RREB1: variants seen among roughly 807,000 people sequenced by gnomAD.
RREB1 encodes ras-responsive element-binding protein 1.
A neutral mutation model predicts 117.8 loss-of-function variants in RREB1; 27 were observed. The observed-to-expected ratio is 0.23, with a 90% CI of 0.17 to 0.32. The LOEUF (loss-of-function observed/expected upper bound fraction) is 0.32, where lower values mean the gene tolerates loss of function less well. Ranked by LOEUF, RREB1 falls within the 10% of genes least tolerant of loss-of-function variation. The pLI is 1.00. For synonymous variants in RREB1, 1,298 were observed against 1,026.7 expected (o/e 1.26, Z -5.05); for missense variants, 2,577 against 2,378.2 (o/e 1.08, Z -1.74).
At chr6:7,120,926 T>G (rs959938401) in intron 1 of RREB1, among the ~76,000 whole-genome samples, 7 of 151,382 alleles carry the variant, frequency 4.6e-5, no homozygotes, top group Non-Finnish European at 8.8e-5. Context: ...TTCAAGTGAT[T>G]CTCCCTCCTG....
intron 10 of RREB1, 43 bp downstream of exon 10, chr6:7,231,950 T>C (rs774866977): frequency 6.5e-7 from 1 of 1,530,418 alleles, no homozygotes; most frequent in South Asian, 1.3e-5. Context: ...TCCTACTTCC[T>C]GGTAGGGGGA....
chr6:7,193,976 T>C (rs1320955017), intron 6 of RREB1, among the ~76,000 whole-genome samples: 2 of 152,256 alleles, frequency 1.3e-5, no homozygotes, highest in Non-Finnish European at 2.9e-5. Flanking sequence ...CTTTCACTCT[T>C]TTCCTCATTC....
intron 6 of RREB1, among the ~76,000 whole-genome samples, chr6:7,207,086 G>A (rs184597391): frequency 2.0e-5 from 3 of 152,268 alleles, no homozygotes; most frequent in Admixed American, 1.3e-4. Context: ...AGAGCAAGAG[G>A]AAGAGCAGAG....
chr6:7,231,542 G>A lies in RREB1; in HGVS notation c.3443G>A (p.Gly1148Asp). The change falls in exon 10 of 13, where the codon GGC (glycine) becomes GAC (aspartate). Residue 1148 changes from glycine (G) to aspartate (D), a missense_variant. Physicochemically the swap from Gly to Asp is moderately conservative, Grantham distance 94. Transcript: ENST00000379938. ...AASPTEQGPA[G>D]TSKKRGRKRG... ...TCTCCCACCGAGCAGGGCCCAGCGGGCACGTCGAAGAAGAGGGGCCGGAAA... is the reference window on the plus strand; with the variant it reads ...TCTCCCACCGAGCAGGGCCCAGCGGACACGTCGAAGAAGAGGGGCCGGAAA... 6.2e-7 allele frequency: 1 copy of A among 1,609,104 alleles called. No individual in the cohort carries two copies. Among genetic ancestry groups the A allele is most frequent in the Non-Finnish European group, 8.5e-7 (1 of 1,178,098 alleles).
At chr6:7,139,055 C>T (rs1762455781) in intron 1 of RREB1, among the ~76,000 whole-genome samples, 1 of 152,152 alleles carries the variant, frequency 6.6e-6, no homozygotes. Flanking sequence ...TGAATGAATA[C>T]AATATGTTAA....
At chr6:7,112,322 G>C (rs935453233) in intron 1 of RREB1, among the ~76,000 whole-genome samples, 1 of 152,050 alleles carries the variant, frequency 6.6e-6, no homozygotes, top group Non-Finnish European at 1.5e-5. Flanking sequence ...TGGTTGAATG[G>C]TAAGCCTGTT....
intron 6 of RREB1, among the ~76,000 whole-genome samples, chr6:7,204,367 G>T (rs1236566579): frequency 6.6e-6 from 1 of 150,476 alleles, no homozygotes; most frequent in Non-Finnish European, 1.5e-5. Flanking sequence ...AACTTGATTG[G>T]CATTACAAGC....
At chr6:7,191,380 T>G (rs1241079761) in intron 6 of RREB1, among the ~76,000 whole-genome samples, 1 of 152,216 alleles carries the variant, frequency 6.6e-6, no homozygotes, top group Non-Finnish European at 1.5e-5. Context: ...CTGATGGACA[T>G]GTGGGTTGTT....
intron 1 of RREB1, among the ~76,000 whole-genome samples, chr6:7,114,232 C>T (rs1761278265): frequency 6.6e-6 from 1 of 152,190 alleles, no homozygotes. Flanking sequence ...AGCGATTCTC[C>T]TGCCTCAGTC....
chr6:7,132,229 A>ATT (rs200757591), intron 1 of RREB1, among the ~76,000 whole-genome samples: 1,738 of 151,880 alleles, frequency 0.011, 30 homozygotes, highest in African/African-American at 0.04. Context: ...CAATTTTTGT[A>ATT]TTTTTAGTAG....
At chr6:7,205,144 C>G (rs984758471) in intron 6 of RREB1, among the ~76,000 whole-genome samples, 28 of 152,154 alleles carry the variant, frequency 1.8e-4, no homozygotes, top group African/African-American at 6.5e-4. Flanking sequence ...TCACTGTGAT[C>G]CCATGGTTCT....
intron 1 of RREB1, among the ~76,000 whole-genome samples, chr6:7,163,813 A>G (rs1182308057): frequency 6.6e-6 from 1 of 152,228 alleles, no homozygotes; most frequent in Non-Finnish European, 1.5e-5. Flanking sequence ...ATCTTCAAGG[A>G]CTTTGAAAAA....
intron 8 of RREB1, among the ~76,000 whole-genome samples, chr6:7,221,344 AT>A (rs369038114): frequency 4.0e-5 from 6 of 149,298 alleles, no homozygotes; most frequent in Non-Finnish European, 7.4e-5. Flanking sequence ...AATTTTTTGT[AT>A]TTTTTTTTAG....
At position 7,229,806 on chromosome 6, in the gene RREB1, C is replaced by T. The variant is rs1202249043; in HGVS notation, c.1707C>T (p.Thr569=). ...ACCTGCTGCAGTCCAAGTCCGGGAC[C>T]CAGCCCCACGCGGCCACGCGGCTCT... ...NAHLLQSKSG[T]QPHAATRLSL... Residue 569 remains threonine, a synonymous_variant, in exon 10 of 13, where the codon ACC becomes ACT. Transcript: ENST00000379938. This position sits in a 1 kb window ranked among gnomAD's most constrained non-coding sequence, Gnocchi z 4.5. 4 of 1,610,796 alleles carry T rather than the reference C, an allele frequency of 2.5e-6. No individual in the cohort carries two copies. Among genetic ancestry groups the T allele is most frequent in the Non-Finnish European group, 3.4e-6 (4 of 1,178,686 alleles).
chr6:7,222,547 T>C (rs1483333274), intron 8 of RREB1, among the ~76,000 whole-genome samples: 2 of 152,192 alleles, frequency 1.3e-5, no homozygotes, highest in Non-Finnish European at 2.9e-5. Context: ...CACGTCTTTA[T>C]TGTCATGCCT....
chr6:7,251,894 T>C lies in RREB1; in HGVS notation c.*2926T>C, dbSNP rs1414965764. 6.6e-6 allele frequency: 1 copy of C among 152,238 alleles called. No individual in the cohort carries two copies. The highest frequency in any genetic ancestry group is 2.4e-5 in the African/African-American group (1 of 41,470). 9.4% of individuals were successfully genotyped at this position (152,238 alleles called of 1,614,324 possible). The stretch of plus-strand genomic sequence containing the variant: ...CTTTTTGTTCCTCTTTGTATTCAGT[T>C]GTATAGAACTTCCAAATTCAGAATG... On this transcript the variant is annotated 3_prime_UTR_variant, in exon 13 of 13. Coordinates refer to ENST00000379938, the MANE Select transcript of RREB1 (RefSeq NM_001003699.4).
chr6:7,112,597 A>G (rs150511300), intron 1 of RREB1, among the ~76,000 whole-genome samples: 3 of 152,200 alleles, frequency 2.0e-5, no homozygotes, highest in African/African-American at 7.2e-5. Flanking sequence ...CCTTATATCA[A>G]AGGTAAAAGG....
Position 7,246,692 on chromosome 6 carries a change from G to A in RREB1, c.4242G>A (p.Gln1414=). 6.3e-7 allele frequency: 1 copy of A among 1,584,532 alleles called. No homozygotes were observed. Among genetic ancestry groups the A allele is most frequent in the East Asian group, 2.3e-5 (1 of 43,050 alleles). Residue 1414 remains glutamine (Q), a synonymous_variant, in exon 12 of 13, where the codon CAG becomes CAA. Coordinates refer to ENST00000379938, the MANE Select transcript of RREB1 (RefSeq NM_001003699.4). ...DGAEEDASSN[Q]SLDLDFATKL... ...CGGAAGAGGACGCGTCGAGCAACCAGAGCCTGGACCTGGACTTCGCCACCA... is the reference window on the plus strand; with the variant it reads ...CGGAAGAGGACGCGTCGAGCAACCAAAGCCTGGACCTGGACTTCGCCACCA...
At chr6:7,153,967 TG>T (rs1345020991) in intron 1 of RREB1, among the ~76,000 whole-genome samples, 3 of 152,226 alleles carry the variant, frequency 2.0e-5, no homozygotes, top group Non-Finnish European at 4.4e-5. Context: ...ATACTGACTT[TG>T]AAAGGCTGCA....
Sources: allele counts gnomAD v4.1 joint callset (sites outside exome capture counted in the v4.1 genomes callset), GRCh38; gene constraint gnomAD v4.1.1; non-coding constraint Gnocchi (gnomAD v3.1); transcripts MANE v1.5; gene names NCBI Gene and HGNC (gene_info 2026-07-23, HGNC 2026-07-21).